Variants in WSB2 observed in about 807,000 individuals in gnomAD.
WSB2 encodes WD repeat and SOCS box-containing protein 2.
In WSB2, 12 loss-of-function variants were observed where a neutral mutation model predicts 48.8. That is an observed-to-expected ratio of 0.25 (90% CI 0.16 to 0.40). The LOEUF (loss-of-function observed/expected upper bound fraction) is 0.40, where lower values mean the gene tolerates loss of function less well. Among genes scored for constraint, WSB2 ranks in the 10% least tolerant of loss-of-function variants. The pLI, the probability that WSB2 is intolerant of heterozygous loss-of-function variation, is 1.00. For synonymous variants in WSB2, 191 were observed against 203.1 expected, an observed-to-expected ratio of 0.94 and a Z score of 0.51; for missense variants, 317 against 506.2, an observed-to-expected ratio of 0.63 and a Z score of 3.59.
rs138971577 is a variant in WSB2 at position 118,035,009 on chromosome 12, T to G, written c.1029A>C (p.Pro343=). 5.0e-4 allele frequency: 810 copies of G among 1,614,008 alleles called. 2 individuals carry two copies. Among genetic ancestry groups the G allele is most frequent in the Non-Finnish European group, 6.2e-4 (734 of 1,180,024 alleles). The change falls in exon 8 of 9, where the codon CCA becomes CCC. Residue 343 remains proline (P), a synonymous_variant. Transcript: ENST00000315436. ...ACCCTGTGGCAATGACTCCACCATG[T>G]GGAAAAAATGTGCAGCAAAGCCCAT... ...MTNGLCCTFF[P]HGGVIATGTR...
chr12:118,048,818 G>GA (rs541620234), intron 2 of WSB2, among the ~76,000 whole-genome samples: 191 of 151,068 alleles, frequency 1.3e-3, no homozygotes, highest in Non-Finnish European at 2.2e-3. Context: ...ATAGGATTCA[G>GA]AAAAAAAAAT....
rs573340675 is a variant in WSB2, at chr12:118,044,101, G to A, written c.183-724C>T. Reference sequence around the variant, plus strand: ...ACCATTGCACTCCAGCCTGGGGAACGAAGGCAAAACTCTATCTCAAAAAAA... The same window carrying A: ...ACCATTGCACTCCAGCCTGGGGAACAAAGGCAAAACTCTATCTCAAAAAAA... On this transcript the variant is annotated intron_variant, in intron 2 of 8. Coordinates refer to ENST00000315436, the MANE Select transcript of WSB2 (RefSeq NM_018639.5). 6.6e-5 allele frequency among the ~76,000 whole-genome samples: 10 copies of A among 151,702 alleles called. No individual in the cohort carries two copies. The East Asian group carries it at 1.4e-3, about 21-fold the overall frequency.
intron 4 of WSB2, among the ~76,000 whole-genome samples, chr12:118,040,003 C>A (rs2031596285): frequency 6.6e-6 from 1 of 151,950 alleles, no homozygotes; most frequent in African/African-American, 2.4e-5. Context: ...GCCTTGGCCT[C>A]CCAAAGTGCT....
Position 118,051,578 on chromosome 12 carries a change from A to G in WSB2, c.182+732T>C, listed in dbSNP as rs147319000. Among the ~76,000 whole-genome samples the G allele has an allele frequency of 1.8e-3, 267 of 152,376 alleles. 1 individual carries two copies. Among genetic ancestry groups the G allele is most frequent in the Middle Eastern group, 0.01 (3 of 294 alleles). ...CTAGAATAGGCCAATCTAGAGAGAC[A>G]AAGTAGATTAGTGGTTGCCTGGAGA... On this transcript the variant is annotated intron_variant, in intron 2 of 8. Coordinates refer to ENST00000315436, the MANE Select transcript of WSB2 (RefSeq NM_018639.5).
rs141172203 is a variant in WSB2, at chr12:118,035,231, G to A, written c.927C>T (p.Ala309=). 1.7e-5 allele frequency: 28 copies of A among 1,614,086 alleles called. No homozygotes were observed. In the African/African-American group the frequency reaches 3.7e-4, roughly 22 times the overall value. ...VCFSPEGLYL[A]TVADDRLLRI... is the part of the protein sequence containing the mutation. ...TTCGTTACCTGTCATCTGCCACCGT[G>A]GCAAGGTACAAGCCTTCTGGAGAGA... Residue 309 remains alanine (A), a synonymous_variant, in exon 7 of 9, where the codon GCC becomes GCT. Transcript: ENST00000315436.
In WSB2 at chr12:118,060,119, TC is replaced by T. The variant is rs1361879756; in HGVS notation, c.13+916del. On this transcript the variant is annotated intron_variant, in intron 1 of 8. Coordinates refer to ENST00000315436, the MANE Select transcript of WSB2 (RefSeq NM_018639.5). The surrounding 1 kb of genome is among the most constrained non-coding windows in gnomAD (Gnocchi z 4.1). ...CCTTCAAGACCTGGGACTCCCGGAA[TC>T]AATTCTAAATCTATCCCAAGTGGGG... is the stretch of plus-strand genomic sequence containing the variant. 1.3e-5 allele frequency among the ~76,000 whole-genome samples: 2 copies of T among 152,272 alleles called. No individual in the cohort carries two copies. Among genetic ancestry groups the T allele is most frequent in the East Asian group, 3.9e-4 (2 of 5,182 alleles).
chr12:118,061,159 C>G lies in WSB2; in HGVS notation c.-111G>C, dbSNP rs975255055. The G allele has an allele frequency of 2.3e-5, 23 of 982,098 alleles. No individual in the cohort carries two copies. In the East Asian group the frequency reaches 2.3e-3, roughly 100 times the overall value. The allele number at this position is 982,098 out of a possible 1,614,324, so 60.8% of individuals were successfully genotyped here. On this transcript the variant is annotated 5_prime_UTR_variant, in exon 1 of 9. Coordinates refer to ENST00000315436, the MANE Select transcript of WSB2 (RefSeq NM_018639.5). ...CCCCGGCCAGGCCGCCGCCGCCGCC[C>G]GGAGAGGCCATCAGCTGCTTCCCGT... is the stretch of plus-strand genomic sequence containing the variant.
In WSB2 at chr12:118,053,512, C is replaced by T. The variant is rs138563153; in HGVS notation, c.14-1034G>A. Among the ~76,000 whole-genome samples, 367 of 152,326 alleles carry T rather than the reference C, an allele frequency of 2.4e-3. 3 individuals carry two copies. Among genetic ancestry groups the T allele is most frequent in the South Asian group, 5.2e-3 (25 of 4,820 alleles). ...ATGTAACCAATTTCTCTCTGCCCCC[C>T]GCCCTCGTCATCAGTGTCTAAGCAC... is the stretch of plus-strand genomic sequence containing the variant. On this transcript the variant is annotated intron_variant, in intron 1 of 8. Coordinates refer to ENST00000315436, the MANE Select transcript of WSB2 (RefSeq NM_018639.5).
intron 1 of WSB2, among the ~76,000 whole-genome samples, chr12:118,059,006 T>C (rs2032014906): frequency 6.6e-6 from 1 of 152,156 alleles, no homozygotes. Flanking sequence ...TGGTTGATAT[T>C]TTCTTGATTG....
intron 6 of WSB2, 23 bp downstream of exon 6, chr12:118,036,315 C>T (rs781758176): frequency 6.2e-7 from 1 of 1,603,840 alleles, no homozygotes; most frequent in Non-Finnish European, 8.5e-7. Flanking sequence ...ACAAAAAAGT[C>T]ATAGCAGGGA....
At chr12:118,045,488 A>C (rs2031727941) in intron 2 of WSB2, among the ~76,000 whole-genome samples, 2 of 152,132 alleles carry the variant, frequency 1.3e-5, no homozygotes, top group African/African-American at 4.8e-5. Flanking sequence ...ACCTGAGGTC[A>C]GGAGTTCGAG....
intron 8 of WSB2, 199 bp downstream of exon 8, chr12:118,034,787 A>T: frequency 1.7e-6 from 1 of 582,734 alleles, no homozygotes; most frequent in Non-Finnish European, 3.0e-6. Context: ...ACAGATCTTT[A>T]ATTACATTTA....
At chr12:118,053,223 G>A (rs1406530528) in intron 1 of WSB2, among the ~76,000 whole-genome samples, 1 of 152,010 alleles carries the variant, frequency 6.6e-6, no homozygotes, top group Non-Finnish European at 1.5e-5. Context: ...CATGCCATCT[G>A]CCCCAGCCCA....
intron 4 of WSB2, among the ~76,000 whole-genome samples, chr12:118,039,711 G>A (rs2031587903): frequency 6.6e-6 from 1 of 151,898 alleles, no homozygotes; most frequent in Admixed American, 6.6e-5. Context: ...TTATGCGGAT[G>A]TATGGATCCA....
At chr12:118,061,251 G>A (rs1593477978), upstream of WSB2, 2 of 929,804 alleles carry the variant, frequency 2.2e-6, no homozygotes, top group Non-Finnish European at 2.6e-6. Flanking sequence ...GGGGGGGTGC[G>A]GACGGGATAA....
chr12:118,036,531 CT>C (rs1296846826), intron 5 of WSB2, 21 bp from the exon 6 acceptor site: 1 of 1,597,390 alleles, frequency 6.3e-7, no homozygotes, highest in East Asian at 2.2e-5. Context: ...TAAGAAGTGC[CT>C]GGTTAGGGCA....
intron 7 of WSB2, 48 bp downstream of exon 7, chr12:118,035,166 T>C: frequency 6.2e-7 from 1 of 1,612,896 alleles, no homozygotes; most frequent in South Asian, 1.1e-5. Flanking sequence ...CTGCCATTAC[T>C]TGCAAGCACT....
At chr12:118,052,638 C>T (rs2031876761) in intron 1 of WSB2, 160 bp from the exon 2 acceptor site, 3 of 1,015,304 alleles carry the variant, frequency 3.0e-6, no homozygotes, top group Non-Finnish European at 4.3e-6. Flanking sequence ...AGCCACAGGC[C>T]ACATTCCACC....
Position 118,043,191 on chromosome 12 carries a change from G to T in WSB2, c.369C>A (p.Cys123Ter). Residue 123 changes from cysteine (C) to a stop codon, truncating the protein, a stop_gained, in exon 3 of 9, where the codon TGC becomes TGA. Transcript: ENST00000315436. LOFTEE classifies it high-confidence loss of function. ...CGTTGAGTCCCGTAGCAAGAACCAG[G>T]CAAGAGACATCGGGCACTTGGGGGT... ...RHHPQVPDVSCLVLATGLNDG... is the reference protein window; with the variant it reads ...RHHPQVPDVS 1 of 1,614,226 alleles carries T rather than the reference G, an allele frequency of 6.2e-7. No individual in the cohort carries two copies. Among genetic ancestry groups the T allele is most frequent in the Non-Finnish European group, 8.5e-7 (1 of 1,180,048 alleles).
Sources: gnomAD v4.1 joint callset for allele counts (sites outside exome capture counted in the v4.1 genomes callset) on GRCh38, gnomAD v4.1.1 for gene constraint, Gnocchi (gnomAD v3.1) non-coding constraint, MANE v1.5 for transcripts, NCBI Gene and HGNC (gene_info 2026-07-23, HGNC 2026-07-21) for gene names.